Variants in HCN1 observed in about 807,000 individuals in gnomAD.
HCN1 encodes the protein potassium/sodium hyperpolarization-activated cyclic nucleotide-gated channel 1.
A neutral mutation model predicts 78.9 loss-of-function variants in HCN1; 13 were observed. The observed-to-expected ratio is 0.16, with a 90% CI of 0.11 to 0.26. HCN1 has a LOEUF of 0.26. HCN1 is among the 10% of genes least tolerant of loss of function. HCN1 has a pLI of 1.00. For missense variants in HCN1, 810 were observed against 1,154.3 expected (o/e 0.70, Z 4.32); for synonymous variants, 552 against 455.5 (o/e 1.21, Z -2.70).
intron 2 of HCN1, among the ~76,000 whole-genome samples, chr5:45,534,770 T>G (rs1188055679): frequency 1.3e-5 from 2 of 152,222 alleles, no homozygotes; most frequent in Non-Finnish European, 2.9e-5. Flanking sequence ...GCTAACCTTA[T>G]ATTTTGAATT....
intron 5 of HCN1, among the ~76,000 whole-genome samples, chr5:45,315,175 C>T (rs1382628493): frequency 3.3e-5 from 5 of 152,290 alleles, no homozygotes; most frequent in Middle Eastern, 3.4e-3. Flanking sequence ...TAAAGCTCTC[C>T]TCAGCAAATG....
chr5:45,452,200 C>A (rs1022364430), intron 3 of HCN1, among the ~76,000 whole-genome samples: 18 of 151,848 alleles, frequency 1.2e-4, no homozygotes, highest in Non-Finnish European at 2.9e-5. Context: ...GTGCCTATTT[C>A]TCTATGCATG....
chr5:45,268,225 A>T (rs890555203), intron 6 of HCN1, among the ~76,000 whole-genome samples: 1 of 152,230 alleles, frequency 6.6e-6, no homozygotes, highest in Non-Finnish European at 1.5e-5. Flanking sequence ...AGATTTCCAA[A>T]ATATGGTAAA....
chr5:45,558,179 C>G (rs1743515121), intron 2 of HCN1: 1 of 151,186 alleles, frequency 6.6e-6, no homozygotes, highest in Non-Finnish European at 1.5e-5. Flanking sequence ...AGTCATATTT[C>G]TGATATGGAG....
At chr5:45,467,356 T>A (rs1030947932) in intron 2 of HCN1, among the ~76,000 whole-genome samples, 2 of 152,118 alleles carry the variant, frequency 1.3e-5, no homozygotes, top group Admixed American at 6.6e-5. Context: ...ATATAAAAAA[T>A]TATTTTCTTA....
At chr5:45,374,354 A>G (rs1481102310) in intron 4 of HCN1, among the ~76,000 whole-genome samples, 2 of 141,966 alleles carry the variant, frequency 1.4e-5, no homozygotes, top group East Asian at 2.0e-4. Flanking sequence ...TATAATATAC[A>G]TATCCCTCAG....
Position 45,396,601 on chromosome 5 carries a change from A to G in HCN1, c.1121T>C (p.Ile374Thr). 1 of 1,613,948 alleles carries G rather than the reference A, an allele frequency of 6.2e-7. No individual in the cohort carries two copies. Among genetic ancestry groups the G allele is most frequent in the Non-Finnish European group, 8.5e-7 (1 of 1,179,900 alleles). Reference sequence around the variant, plus strand: ...CCCGACGATCATGCTCAGCATGGTAATCCAGAGGTCAGACATGCTGACTGG... The same window carrying G: ...CCCGACGATCATGCTCAGCATGGTAGTCCAGAGGTCAGACATGCTGACTGG... Reference protein sequence around the residue: ...QAPVSMSDLWITMLSMIVGAT... With the variant: ...QAPVSMSDLWTTMLSMIVGAT... The change falls in exon 4 of 8, where the codon ATT becomes ACT. Residue 374 changes from isoleucine (I) to threonine (T), a missense_variant. Coordinates refer to ENST00000303230, the MANE Select transcript of HCN1 (RefSeq NM_021072.4).
intron 4 of HCN1, among the ~76,000 whole-genome samples, chr5:45,372,226 T>TAA (rs1747409007): frequency 1.3e-5 from 1 of 74,562 alleles, no homozygotes; most frequent in African/African-American, 6.1e-5. Flanking sequence ...ATAATATATA[T>TAA]AATATATATT....
chr5:45,426,984 TA>T lies in HCN1; in HGVS notation c.1012-30275del, dbSNP rs1359059205. ...TTATACTATATGGCTATAATTATAA[TA>T]AATATACATATTCATTATATTATAA... On this transcript the variant is annotated intron_variant, in intron 3 of 7. Transcript: ENST00000303230. Among the ~76,000 whole-genome samples the T allele has an allele frequency of 1.1e-4, 17 of 151,974 alleles. 1 individual carries two copies. The highest frequency in any genetic ancestry group is 1.1e-3 in the Admixed American group (17 of 15,248).
At chr5:45,363,794 G>A (rs535739236) in intron 4 of HCN1, among the ~76,000 whole-genome samples, 3 of 151,694 alleles carry the variant, frequency 2.0e-5, no homozygotes, top group East Asian at 1.9e-4. Context: ...TTTTGCTGTC[G>A]CCAAATAAGA....
chr5:45,457,598 G>C (rs780275180), intron 3 of HCN1, among the ~76,000 whole-genome samples: 14 of 152,058 alleles, frequency 9.2e-5, no homozygotes, highest in Non-Finnish European at 1.9e-4. Context: ...CTTTTAGTCC[G>C]CTTTCCGTTG....
At chr5:45,685,780 A>T (rs1303590266) in intron 1 of HCN1, among the ~76,000 whole-genome samples, 1 of 152,188 alleles carries the variant, frequency 6.6e-6, no homozygotes, top group Non-Finnish European at 1.5e-5. Context: ...AGCATATATA[A>T]AATATGGCAT....
intron 6 of HCN1, among the ~76,000 whole-genome samples, chr5:45,269,332 A>G (rs1744917312): frequency 1.3e-5 from 2 of 152,224 alleles, no homozygotes; most frequent in African/African-American, 4.8e-5. Flanking sequence ...AAGTGAAAAG[A>G]AAATTAGTTT....
In HCN1 at chr5:45,271,684, G is replaced by A. The variant is rs16902081; in HGVS notation, c.1619-4431C>T. Among the ~76,000 whole-genome samples, 812 of 152,022 alleles carry A rather than the reference G, an allele frequency of 5.3e-3. 5 individuals carry two copies. Among genetic ancestry groups the A allele is most frequent in the African/African-American group, 0.018 (753 of 41,474 alleles). On this transcript the variant is annotated intron_variant, in intron 6 of 7. Transcript: ENST00000303230. ...CCAGTGCCTACATGACAGATAGTAG[G>A]GGCTTAATGTTAGCTGACTTGAATA...
rs369255623 is a variant in HCN1 at position 45,351,506 on chromosome 5, A to C, written c.1377+1594T>G. On this transcript the variant is annotated intron_variant, in intron 5 of 7. Transcript: ENST00000303230. Reference sequence around the variant, plus strand: ...CCAAAACACCAAAAGCAATGGCAACAAAAGACAAAATTGACAAATGGGATC... The same window carrying C: ...CCAAAACACCAAAAGCAATGGCAACCAAAGACAAAATTGACAAATGGGATC... Among the ~76,000 whole-genome samples the C allele has an allele frequency of 2.2e-4, 22 of 101,690 alleles. 1 individual carries two copies. Among genetic ancestry groups the C allele is most frequent in the East Asian group, 3.5e-4 (1 of 2,884 alleles). The allele number at this position is 101,690 out of a possible 152,430, so 66.7% of individuals were successfully genotyped here.
At chr5:45,598,561 A>G (rs183022657) in intron 2 of HCN1, among the ~76,000 whole-genome samples, 91 of 152,344 alleles carry the variant, frequency 6.0e-4, no homozygotes, top group African/African-American at 2.2e-3. Flanking sequence ...GCCAAAATAG[A>G]CAAATGGGAT....
rs535161579 is a variant in HCN1 at position 45,372,052 on chromosome 5, TA to T, written c.1231-18807del. The stretch of plus-strand genomic sequence containing the variant: ...TATAATTATATATATATTATATATA[TA>T]ATATAATTATATTATATATTATATA... On this transcript the variant is annotated intron_variant, in intron 4 of 7. Coordinates refer to ENST00000303230, the MANE Select transcript of HCN1 (RefSeq NM_021072.4). Among the ~76,000 whole-genome samples, 259 of 55,022 alleles carry T rather than the reference TA, an allele frequency of 4.7e-3. 3 individuals carry two copies. The highest frequency in any genetic ancestry group is 0.024 in the African/African-American group (219 of 9,240). The allele number at this position is 55,022 out of a possible 152,430, so 36.1% of individuals were successfully genotyped here.
chr5:45,337,377 T>A (rs1296313630), intron 5 of HCN1, among the ~76,000 whole-genome samples: 1 of 152,106 alleles, frequency 6.6e-6, no homozygotes, highest in Non-Finnish European at 1.5e-5. Flanking sequence ...GACCATAGTA[T>A]AACTGACAGT....
At chr5:45,349,965 T>C (rs2111978327) in intron 5 of HCN1, among the ~76,000 whole-genome samples, 1 of 152,300 alleles carries the variant, frequency 6.6e-6, no homozygotes, top group East Asian at 1.9e-4. Flanking sequence ...ACTGGTACCA[T>C]TCCTTCTGAA....
Sources: gnomAD v4.1 joint callset for allele counts (sites outside exome capture counted in the v4.1 genomes callset) on GRCh38, gnomAD v4.1.1 for gene constraint, MANE v1.5 for transcripts, NCBI Gene and HGNC (gene_info 2026-07-23, HGNC 2026-07-21) for gene names.